The following CNTN1 variants were observed in gnomAD, a reference collection of about 807,000 sequenced individuals.
CNTN1 encodes contactin-1.
In CNTN1, 38 loss-of-function variants were observed where a neutral mutation model predicts 126.4. The ratio of observed to expected loss-of-function variants is 0.30; its 90% confidence interval spans 0.23 to 0.39. The LOEUF (loss-of-function observed/expected upper bound fraction) is 0.39, where lower values mean the gene tolerates loss of function less well. Ranked by LOEUF, CNTN1 falls within the 10% of genes least tolerant of loss-of-function variation. The pLI, the probability that CNTN1 is intolerant of heterozygous loss-of-function variation, is 1.00. For synonymous variants in CNTN1, 413 were observed against 422.6 expected (o/e 0.98, Z 0.28); for missense variants, 1,009 against 1,248.4 (o/e 0.81, Z 2.89).
intron 17 of CNTN1, among the ~76,000 whole-genome samples, chr12:41,000,511 T>G (rs915660480): frequency 1.3e-5 from 2 of 152,180 alleles, no homozygotes; most frequent in African/African-American, 4.8e-5. Context: ...TTTTTAACCC[T>G]GTGTAGTCAG....
At chr12:41,057,504 T>C (rs1381888478) in intron 23 of CNTN1, among the ~76,000 whole-genome samples, 1 of 151,976 alleles carries the variant, frequency 6.6e-6, no homozygotes, top group Non-Finnish European at 1.5e-5. Flanking sequence ...AATCAACCTA[T>C]GGCTAGCTAA....
At chr12:41,048,827 C>T (rs1018046203) in intron 23 of CNTN1, among the ~76,000 whole-genome samples, 3 of 152,096 alleles carry the variant, frequency 2.0e-5, no homozygotes, top group Non-Finnish European at 4.4e-5. Context: ...AAAATCTCTT[C>T]CAGTAACTAA....
At chr12:40,878,378 ATATACAAAAACAAATCACATT>A (rs1943752836) in intron 1 of CNTN1, among the ~76,000 whole-genome samples, 1 of 149,920 alleles carries the variant, frequency 6.7e-6, no homozygotes, top group African/African-American at 2.4e-5. Context: ...ATTACTAAAC[ATATACAAAAACAAATCACATT>A]TTACAAAGAG....
intron 1 of CNTN1, among the ~76,000 whole-genome samples, chr12:40,775,708 G>T (rs1012081822): frequency 1.3e-5 from 2 of 151,602 alleles, no homozygotes; most frequent in African/African-American, 4.8e-5. Flanking sequence ...TAGAAAGACA[G>T]AGTTACATAA....
At chr12:40,811,380 G>A (rs1941054133) in intron 1 of CNTN1, among the ~76,000 whole-genome samples, 1 of 152,064 alleles carries the variant, frequency 6.6e-6, no homozygotes, top group Non-Finnish European at 1.5e-5. Context: ...TTCTTGTAGT[G>A]TGTTTATCTG....
At chr12:40,803,615 A>G (rs1240465365) in intron 1 of CNTN1, among the ~76,000 whole-genome samples, 1 of 151,828 alleles carries the variant, frequency 6.6e-6, no homozygotes, top group African/African-American at 2.4e-5. Flanking sequence ...ATTTTTGAAG[A>G]CCCCCTTGTA....
chr12:40,877,400 C>T (rs1366098585), intron 1 of CNTN1, among the ~76,000 whole-genome samples: 1 of 152,136 alleles, frequency 6.6e-6, no homozygotes, highest in Non-Finnish European at 1.5e-5. Flanking sequence ...AGTACTAGTT[C>T]CTATTGTCAT....
intron 1 of CNTN1, among the ~76,000 whole-genome samples, chr12:40,882,621 T>G (rs1943905162): frequency 6.6e-6 from 1 of 151,632 alleles, no homozygotes; most frequent in South Asian, 2.1e-4. Context: ...CTGGACCTCT[T>G]TCTCCTGTTG....
chr12:40,747,288 C>T (rs1938222266), intron 1 of CNTN1, among the ~76,000 whole-genome samples: 2 of 123,378 alleles, frequency 1.6e-5, no homozygotes, highest in Non-Finnish European at 3.3e-5. Context: ...AATAGTATTC[C>T]AATATTTTGT....
rs369450437 is a variant in CNTN1 at position 40,964,525 on chromosome 12, AGTGTGT to A, written c.1804+5321_1804+5326del. Among the ~76,000 whole-genome samples, 706 of 104,802 alleles carry A rather than the reference AGTGTGT, an allele frequency of 6.7e-3. 6 individuals are homozygous for A. Among genetic ancestry groups the A allele is most frequent in the African/African-American group, 0.019 (647 of 33,308 alleles). 68.8% of individuals were successfully genotyped at this position (104,802 alleles called of 152,430 possible). A position where few individuals can be genotyped will look rare whatever the true frequency, so the allele number is the denominator to read the frequency against. ...TTTAGGTGAAAACACCGTGTAAGTG[AGTGTGT>A]GTGTGTGTGTGTGTGTGTGTGTGTG... On this transcript the variant is annotated intron_variant, in intron 15 of 23. Transcript: ENST00000551295.
chr12:40,912,031 T>C (rs984774121), intron 3 of CNTN1, among the ~76,000 whole-genome samples: 3 of 152,230 alleles, frequency 2.0e-5, no homozygotes, highest in Non-Finnish European at 2.9e-5. Context: ...ATGAAAAAGT[T>C]ATATCCAATA....
At chr12:40,824,862 C>G (rs747553501) in intron 1 of CNTN1, among the ~76,000 whole-genome samples, 2 of 152,168 alleles carry the variant, frequency 1.3e-5, no homozygotes, top group South Asian at 4.1e-4. Context: ...TGATATGCCT[C>G]GCATAGTGGA....
chr12:40,795,315 ACACAT>A (rs1478330153), intron 1 of CNTN1, among the ~76,000 whole-genome samples: 9 of 6,872 alleles, frequency 1.3e-3, no homozygotes, highest in African/African-American at 2.8e-3. Flanking sequence ...ACACACACAC[ACACAT>A]TTTTTTTTTT....
chr12:41,069,981 T>C lies in CNTN1; in HGVS notation c.3003T>C (p.Ser1001=). 3.1e-6 allele frequency: 5 copies of C among 1,614,016 alleles called. No homozygotes were observed. Among genetic ancestry groups the C allele is most frequent in the Non-Finnish European group, 4.2e-6 (5 of 1,179,974 alleles). Residue 1001 remains serine, a synonymous_variant, in exon 24 of 24, where the codon AGT becomes AGC. Transcript: ENST00000551295. ...CAGGTGCACCCACCCTATCCCCAAGTCTTCTCGGCTTACTGCTGCCTGCCT... is the reference window on the plus strand; with the variant it reads ...CAGGTGCACCCACCCTATCCCCAAGCCTTCTCGGCTTACTGCTGCCTGCCT... The part of the protein sequence containing the change: ...KISGAPTLSP[S]LLGLLLPAFG...
chr12:40,821,682 T>C (rs1941444707), intron 1 of CNTN1, among the ~76,000 whole-genome samples: 1 of 152,174 alleles, frequency 6.6e-6, no homozygotes, highest in South Asian at 2.1e-4. Flanking sequence ...CATGTACAAG[T>C]ATCTCAAATT....
At chr12:40,846,308 A>C (rs1942498704) in intron 1 of CNTN1, among the ~76,000 whole-genome samples, 2 of 152,168 alleles carry the variant, frequency 1.3e-5, no homozygotes, top group Admixed American at 1.3e-4. Flanking sequence ...CTCTACTAAA[A>C]ATACAAAAAA....
rs571418581 is a variant in CNTN1, at chr12:40,805,809, C to T, written c.-76-102548C>T. 5.9e-5 allele frequency among the ~76,000 whole-genome samples: 9 copies of T among 151,992 alleles called. No homozygotes were observed. In the South Asian group the frequency reaches 1.9e-3, roughly 32 times the overall value. ...TATTTATACCTGAAAATGAGCAGTC[C>T]CCTTCTATTGGGTTGTTAGTGTGTG... On this transcript the variant is annotated intron_variant, in intron 1 of 23. Transcript: ENST00000551295.
At chr12:40,813,063 C>CTTTCTTTCTTTA (rs1941139121) in intron 1 of CNTN1, among the ~76,000 whole-genome samples, 1 of 104,920 alleles carries the variant, frequency 9.5e-6, no homozygotes, top group Non-Finnish European at 2.0e-5. Context: ...TTCTTTCTTC[C>CTTTCTTTCTTTA]TTCCTTCCTT....
chr12:40,859,364 T>A (rs1592168378), intron 1 of CNTN1, among the ~76,000 whole-genome samples: 2 of 152,140 alleles, frequency 1.3e-5, no homozygotes, highest in East Asian at 3.9e-4. Context: ...AGCCTCACAC[T>A]AATGTAAGAT....
Sources: allele counts gnomAD v4.1 joint callset (sites outside exome capture counted in the v4.1 genomes callset), GRCh38; gene constraint gnomAD v4.1.1; transcripts MANE v1.5; gene names NCBI Gene and HGNC (gene_info 2026-07-23, HGNC 2026-07-21).